Variants in PDSS2 observed in about 807,000 individuals in gnomAD.
PDSS2 encodes the protein all trans-polyprenyl-diphosphate synthase PDSS2.
PDSS2 carries 31 observed loss-of-function variants against 44.5 expected under a neutral mutation model. That is an observed-to-expected ratio of 0.70 (90% CI 0.52 to 0.94). The LOEUF (loss-of-function observed/expected upper bound fraction) is 0.94, where lower values mean the gene tolerates loss of function less well. Ranked by LOEUF, PDSS2 falls within the 40% of genes least tolerant of loss-of-function variation. The pLI is 0.00. For synonymous variants in PDSS2, 157 were observed against 180.3 expected, an observed-to-expected ratio of 0.87 and a Z score of 1.03; for missense variants, 452 against 482.2, an observed-to-expected ratio of 0.94 and a Z score of 0.59.
intron 1 of PDSS2, among the ~76,000 whole-genome samples, chr6:107,449,524 A>AT (rs1194759689): frequency 6.6e-6 from 1 of 152,200 alleles, no homozygotes; most frequent in African/African-American, 2.4e-5. Context: ...TAGACACTTT[A>AT]TATAAGTGGA....
intron 1 of PDSS2, among the ~76,000 whole-genome samples, chr6:107,452,392 C>G (rs967203976): frequency 6.6e-6 from 1 of 151,832 alleles, no homozygotes; most frequent in African/African-American, 2.4e-5. Context: ...ACCACCACAC[C>G]GGCTAATTTT....
intron 3 of PDSS2, among the ~76,000 whole-genome samples, chr6:107,256,254 G>A (rs1337670538): frequency 6.6e-6 from 1 of 152,178 alleles, no homozygotes; most frequent in Non-Finnish European, 1.5e-5. Flanking sequence ...GCCTCCCAAA[G>A]TGCTGGGATT....
chr6:107,437,679 T>C (rs1212447417), intron 1 of PDSS2, among the ~76,000 whole-genome samples: 1 of 152,030 alleles, frequency 6.6e-6, no homozygotes, highest in Non-Finnish European at 1.5e-5. Context: ...TATGAAAAAT[T>C]GGCCTCCCTG....
intron 4 of PDSS2, among the ~76,000 whole-genome samples, chr6:107,239,238 C>T (rs1774333305): frequency 6.6e-6 from 1 of 152,132 alleles, no homozygotes; most frequent in African/African-American, 2.4e-5. Context: ...GATTGTGCCA[C>T]TGCACTCCAG....
chr6:107,206,881 C>T (rs1772995323), intron 6 of PDSS2, among the ~76,000 whole-genome samples: 1 of 152,100 alleles, frequency 6.6e-6, no homozygotes, highest in Non-Finnish European at 1.5e-5. Context: ...CAAACAGTCT[C>T]AACCTGCAAG....
intron 2 of PDSS2, among the ~76,000 whole-genome samples, chr6:107,313,282 AT>A (rs1275274671): frequency 6.6e-6 from 1 of 152,192 alleles, no homozygotes; most frequent in African/African-American, 2.4e-5. Context: ...CAATAAAAAT[AT>A]TTTTTAGAAC....
chr6:107,284,436 G>A (rs560542419), intron 2 of PDSS2, among the ~76,000 whole-genome samples: 8 of 152,110 alleles, frequency 5.3e-5, no homozygotes, highest in South Asian at 4.2e-4. Flanking sequence ...CAACACAGGC[G>A]GATCACCTGA....
rs759725238 is a variant in PDSS2 at position 107,459,156 on chromosome 6, TGGA to T, written c.127_129del (p.Ser43del). ...ACCTGATTCCAGTGGGCCGGGGACT[TGGA>T]GGACCGACCACGCCAAGAGCCCACC... is the stretch of plus-strand genomic sequence containing the variant. On this transcript the variant is annotated inframe_deletion, in exon 1 of 8. Transcript: ENST00000369037. The surrounding 1 kb of genome is among the most constrained non-coding windows in gnomAD (Gnocchi z 4.3). The T allele has an allele frequency of 1.2e-5, 20 of 1,613,904 alleles. No individual in the cohort carries two copies. The East Asian group carries it at 4.2e-4, about 34-fold the overall frequency.
chr6:107,190,545 A>G (rs577631096), intron 7 of PDSS2, among the ~76,000 whole-genome samples: 1 of 152,240 alleles, frequency 6.6e-6, no homozygotes, highest in East Asian at 1.9e-4. Flanking sequence ...TCATTATAAT[A>G]TAACAGAGTA....
At chr6:107,193,331 A>G (rs1490037414) in intron 7 of PDSS2, among the ~76,000 whole-genome samples, 1 of 152,232 alleles carries the variant, frequency 6.6e-6, no homozygotes, top group Non-Finnish European at 1.5e-5. Context: ...CAAAAGTTCC[A>G]CAGGTGATGT....
At chr6:107,292,934 G>A (rs1776392966) in intron 2 of PDSS2, among the ~76,000 whole-genome samples, 1 of 152,172 alleles carries the variant, frequency 6.6e-6, no homozygotes, top group Admixed American at 6.5e-5. Flanking sequence ...AAAAATACTT[G>A]AGACTACCAA....
intron 1 of PDSS2, among the ~76,000 whole-genome samples, chr6:107,429,752 T>C (rs1439328908): frequency 2.0e-5 from 3 of 150,650 alleles, no homozygotes; most frequent in African/African-American, 7.3e-5. Flanking sequence ...GGCGTGGTGG[T>C]GCATGCCTGT....
chr6:107,381,235 T>G (rs1779445738), intron 1 of PDSS2, among the ~76,000 whole-genome samples: 1 of 152,190 alleles, frequency 6.6e-6, no homozygotes, highest in Non-Finnish European at 1.5e-5. Flanking sequence ...ACCTCCATAA[T>G]AAGGCTGGAA....
chr6:107,269,669 T>C (rs566678728), intron 3 of PDSS2, among the ~76,000 whole-genome samples: 11 of 152,192 alleles, frequency 7.2e-5, no homozygotes, highest in African/African-American at 2.6e-4. Flanking sequence ...GTAGTAGTAG[T>C]AGTATTTTTT....
chr6:107,417,756 T>C (rs1054433023), intron 1 of PDSS2, among the ~76,000 whole-genome samples: 12 of 146,922 alleles, frequency 8.2e-5, no homozygotes, highest in Non-Finnish European at 1.8e-4. Context: ...TGAGACCCTA[T>C]CTTCAAAAAA....
intron 7 of PDSS2, among the ~76,000 whole-genome samples, chr6:107,159,477 C>T (rs1231743382): frequency 1.4e-5 from 2 of 146,734 alleles, no homozygotes; most frequent in African/African-American, 5.1e-5. Flanking sequence ...AATGCAGTGG[C>T]GCGATCTTGG....
At position 107,310,304 on chromosome 6, in the gene PDSS2, A is replaced by AAG. The variant is rs1277451301; in HGVS notation, c.431+23892_431+23893dup. ...CATCCCAAAAAAAAAAAAAAAAAAA[A>AAG]AGAGAAAGAAATGCAATTGTCTTAA... is the stretch of plus-strand genomic sequence containing the variant. On this transcript the variant is annotated intron_variant, in intron 2 of 7. Coordinates refer to ENST00000369037, the MANE Select transcript of PDSS2 (RefSeq NM_020381.4). Among the ~76,000 whole-genome samples, 90 of 143,894 alleles carry AAG rather than the reference A, an allele frequency of 6.3e-4. 11 individuals carry two copies. Among genetic ancestry groups the AAG allele is most frequent in the South Asian group, 8.7e-4 (4 of 4,606 alleles). The allele number at this position is 143,894 out of a possible 152,430, so 94.4% of individuals were successfully genotyped here. A position where few individuals can be genotyped will look rare whatever the true frequency, so the allele number is the denominator to read the frequency against.
intron 1 of PDSS2, among the ~76,000 whole-genome samples, chr6:107,337,280 C>G (rs1777935417): frequency 6.6e-6 from 1 of 152,048 alleles, no homozygotes; most frequent in Non-Finnish European, 1.5e-5. Context: ...GGTACCATAC[C>G]TGGTAGGTGG....
chr6:107,309,954 C>A (rs1776981094), intron 2 of PDSS2, among the ~76,000 whole-genome samples: 1 of 152,128 alleles, frequency 6.6e-6, no homozygotes, highest in South Asian at 2.1e-4. Flanking sequence ...CATTTATTTT[C>A]TCACAGATCT....
Sources: gnomAD v4.1 joint callset for allele counts (sites outside exome capture counted in the v4.1 genomes callset) on GRCh38, gnomAD v4.1.1 for gene constraint, Gnocchi (gnomAD v3.1) non-coding constraint, MANE v1.5 for transcripts, NCBI Gene and HGNC (gene_info 2026-07-23, HGNC 2026-07-21) for gene names.